Variants in HYDIN observed in about 807,000 individuals in gnomAD.
The protein encoded by HYDIN is HYDIN axonemal central pair apparatus protein.
A neutral mutation model predicts 403.9 loss-of-function variants in HYDIN; 132 were observed. The observed-to-expected ratio is 0.33, with a 90% CI of 0.28 to 0.38. The LOEUF (loss-of-function observed/expected upper bound fraction) is 0.38, where lower values mean the gene tolerates loss of function less well. Ranked by LOEUF, HYDIN falls within the 10% of genes least tolerant of loss-of-function variation. The pLI, the probability that HYDIN is intolerant of heterozygous loss-of-function variation, is 1.00. For missense variants in HYDIN, 2,827 were observed against 5,009.5 expected (o/e 0.56, Z 13.15); for synonymous variants, 1,202 against 1,891.7 (o/e 0.64, Z 9.46).
intron 18 of HYDIN, among the ~76,000 whole-genome samples, chr16:71,035,943 C>T (rs1356371932): frequency 6.6e-6 from 1 of 151,058 alleles, no homozygotes; most frequent in East Asian, 1.9e-4. Flanking sequence ...TGTTCACTTC[C>T]ACTGGCCAGA....
intron 30 of HYDIN, among the ~76,000 whole-genome samples, chr16:70,976,188 T>G (rs2078882102): frequency 6.6e-6 from 1 of 152,262 alleles, no homozygotes. Flanking sequence ...TACTTGAGAC[T>G]AGCTATTTTT....
chr16:71,182,564 G>T (rs1312090419), intron 3 of HYDIN, among the ~76,000 whole-genome samples: 1 of 152,026 alleles, frequency 6.6e-6, no homozygotes, highest in East Asian at 1.9e-4. Flanking sequence ...ATAAGTGGGG[G>T]TATGAAAAGC....
At chr16:70,944,586 G>A (rs1332185411) in intron 41 of HYDIN, among the ~76,000 whole-genome samples, 3 of 152,150 alleles carry the variant, frequency 2.0e-5, no homozygotes, top group African/African-American at 7.2e-5. Context: ...GGCTGGAACT[G>A]AGTGAGCAAT....
chr16:71,166,382 T>TGG (rs1159455722), intron 5 of HYDIN, among the ~76,000 whole-genome samples: 3 of 121,164 alleles, frequency 2.5e-5, no homozygotes, highest in Admixed American at 8.8e-5. Flanking sequence ...TAATATCGGA[T>TGG]GGGGTTGATT....
In HYDIN at chr16:70,879,396, G is replaced by T. The variant is rs767815796; in HGVS notation, c.10458C>A (p.Asn3486Lys). Residue 3486 changes from asparagine to lysine, a missense_variant, in exon 62 of 86, where the codon AAC becomes AAA. By Grantham distance (94) the Asn-to-Lys change is moderately conservative. Coordinates refer to ENST00000393567, the MANE Select transcript of HYDIN (RefSeq NM_001270974.2). ...RVTVVRPVLH[N>K]QYGNPLLLFK... is the part of the protein sequence containing the mutation. Reference sequence around the variant, plus strand: ...AGAGGAGCAAGGGGTTTCCATATTGGTTATGAAGAACTGGCCGCACAACCG... The same window carrying T: ...AGAGGAGCAAGGGGTTTCCATATTGTTTATGAAGAACTGGCCGCACAACCG... 1.2e-5 allele frequency: 19 copies of T among 1,587,078 alleles called. No homozygotes were observed. The highest frequency in any genetic ancestry group is 1.6e-5 in the Non-Finnish European group (19 of 1,156,786).
At chr16:71,043,942 AAGAG>A (rs77323675) in intron 18 of HYDIN, among the ~76,000 whole-genome samples, 25 of 149,256 alleles carry the variant, frequency 1.7e-4, no homozygotes, top group African/African-American at 3.2e-4. Context: ...GAAAGAAAGA[AAGAG>A]AGAGAGAGAG....
At position 70,948,545 on chromosome 16, in the gene HYDIN, T is replaced by C. The variant is rs1245554345; in HGVS notation, c.6531+3876A>G. On this transcript the variant is annotated intron_variant, in intron 41 of 85. Transcript: ENST00000393567. The stretch of plus-strand genomic sequence containing the variant: ...AACCTACAAAATGGGAGAAAATTTT[T>C]GCAACCTACTCATCTGACAAAGGGC... Among the ~76,000 whole-genome samples, 36 of 151,918 alleles carry C rather than the reference T, an allele frequency of 2.4e-4. No individual in the cohort carries two copies. In the East Asian group the frequency reaches 5.1e-3, roughly 21 times the overall value.
At chr16:70,836,597 G>A (rs554587156) in intron 77 of HYDIN, among the ~76,000 whole-genome samples, 1 of 152,326 alleles carries the variant, frequency 6.6e-6, no homozygotes, top group East Asian at 1.9e-4. Context: ...CCTGGGTCAG[G>A]CCAAGGCCAG....
chr16:70,919,549 C>A (rs2076935842), intron 46 of HYDIN, among the ~76,000 whole-genome samples: 1 of 152,056 alleles, frequency 6.6e-6, no homozygotes, highest in Non-Finnish European at 1.5e-5. Flanking sequence ...TGCCACATAT[C>A]CCTCCCAGGC....
At chr16:70,916,789 C>G (rs1232027690) in intron 47 of HYDIN, among the ~76,000 whole-genome samples, 1 of 152,194 alleles carries the variant, frequency 6.6e-6, no homozygotes, top group Non-Finnish European at 1.5e-5. Flanking sequence ...AGTCTGAATT[C>G]TTCTGAGCAT....
At chr16:70,962,557 A>G in intron 37 of HYDIN, among the ~76,000 whole-genome samples, 1 of 152,178 alleles carries the variant, frequency 6.6e-6, no homozygotes. Flanking sequence ...TTGGGGTTAT[A>G]TTGTACATAC....
At chr16:70,949,880 C>T (rs1380590954) in intron 41 of HYDIN, among the ~76,000 whole-genome samples, 3 of 152,266 alleles carry the variant, frequency 2.0e-5, no homozygotes, top group Non-Finnish European at 2.9e-5. Flanking sequence ...GCTTTATTTC[C>T]CTGTCCAGAT....
rs778334757 is a variant in HYDIN at position 70,882,755 on chromosome 16, G to A, written c.10120C>T (p.Leu3374=). 1.3e-6 allele frequency: 2 copies of A among 1,493,654 alleles called. No homozygotes were observed. Among genetic ancestry groups the A allele is most frequent in the South Asian group, 2.3e-5 (2 of 88,556 alleles). The allele number at this position is 1,493,654 out of a possible 1,614,324, so 92.5% of individuals were successfully genotyped here. The part of the protein sequence containing the change: ...DENKFIFCNV[L]VGRQAKARFK... ...CGAGCCTTGGCTTGGCGGCCCACCA[G>A]GACATTGCAGAAGATGAACTTGTTC... The change falls in exon 60 of 86, where the codon CTG becomes TTG. Residue 3374 remains leucine (L), a synonymous_variant. Coordinates refer to ENST00000393567, the MANE Select transcript of HYDIN (RefSeq NM_001270974.2).
At position 71,069,358 on chromosome 16, in the gene HYDIN, G is replaced by T. The variant is rs574248460; in HGVS notation, c.1883C>A (p.Thr628Asn). The T allele has an allele frequency of 2.1e-5, 34 of 1,614,112 alleles. No homozygotes were observed. The South Asian group carries it at 3.5e-4, about 17-fold the overall frequency. ...TTTCATTGAGGATATTTCTTCCTTG[G>T]TCCAAGATGGTCTTTTGTAGTCCAC... is the stretch of plus-strand genomic sequence containing the variant. ...QHVDYKRPSW[T>N]KEEISSMKPK... The change falls in exon 14 of 86, where the codon ACC becomes AAC. Residue 628 changes from threonine (T) to asparagine (N), a missense_variant. Physicochemically the swap from Thr to Asn is moderately conservative, Grantham distance 65. Coordinates refer to ENST00000393567, the MANE Select transcript of HYDIN (RefSeq NM_001270974.2).
intron 14 of HYDIN, among the ~76,000 whole-genome samples, chr16:71,068,800 GAT>G (rs1388017085): frequency 6.6e-6 from 1 of 152,182 alleles, no homozygotes; most frequent in Non-Finnish European, 1.5e-5. Flanking sequence ...CGCTGTTAGT[GAT>G]ACCACATCCA....
intron 45 of HYDIN, among the ~76,000 whole-genome samples, chr16:70,931,210 G>T (rs2502719): frequency 0.033 from 1,946 of 58,790 alleles, 1 homozygote; most frequent in South Asian, 0.041. Context: ...TCTTTCTTCT[G>T]TTTTTTTTTT....
intron 3 of HYDIN, among the ~76,000 whole-genome samples, chr16:71,181,114 A>C (rs545489882): frequency 2.0e-4 from 30 of 152,088 alleles, no homozygotes; most frequent in African/African-American, 7.0e-4. Flanking sequence ...ATGCAGGAAT[A>C]CACTATTTTC....
chr16:71,026,448 C>A (rs2080703229), intron 20 of HYDIN, among the ~76,000 whole-genome samples: 1 of 152,048 alleles, frequency 6.6e-6, no homozygotes, highest in South Asian at 2.1e-4. Context: ...AGTTTAGTCC[C>A]CCAGCAGCTC....
intron 60 of HYDIN, among the ~76,000 whole-genome samples, chr16:70,880,191 T>C (rs1280608184): frequency 8.1e-6 from 1 of 122,800 alleles, no homozygotes; most frequent in African/African-American, 4.0e-5. Flanking sequence ...CCCGAGTAGC[T>C]GGGACTACAG....
Sources: allele counts gnomAD v4.1 joint callset (sites outside exome capture counted in the v4.1 genomes callset), GRCh38; gene constraint gnomAD v4.1.1; transcripts MANE v1.5; gene names NCBI Gene and HGNC (gene_info 2026-07-23, HGNC 2026-07-21).